Variants in ARHGAP32 observed in about 807,000 individuals in gnomAD.
The protein encoded by ARHGAP32 is rho GTPase-activating protein 32.
In ARHGAP32, 51 loss-of-function variants were observed where a neutral mutation model predicts 186.5. The ratio of observed to expected loss-of-function variants is 0.27; its 90% CI spans 0.22 to 0.35. The LOEUF (loss-of-function observed/expected upper bound fraction) is 0.35. ARHGAP32 is among the 10% of genes least tolerant of loss of function. The pLI is 1.00. For missense variants in ARHGAP32, 2,186 were observed against 2,623.5 expected (o/e 0.83, Z 3.64); for synonymous variants, 950 against 964.3 (o/e 0.99, Z 0.27).
intron 11 of ARHGAP32, among the ~76,000 whole-genome samples, chr11:129,036,985 T>G (rs1270734878): frequency 6.6e-6 from 1 of 152,222 alleles, no homozygotes; most frequent in Non-Finnish European, 1.5e-5. Flanking sequence ...ACTATGAAAC[T>G]ATTAGAACTA....
At position 128,969,889 on chromosome 11, in the gene ARHGAP32, G is replaced by A. The variant is rs1945312180; in HGVS notation, c.5324C>T (p.Ala1775Val). The A allele has an allele frequency of 1.2e-6, 2 of 1,614,196 alleles. No homozygotes were observed. Among genetic ancestry groups the A allele is most frequent in the African/African-American group, 2.7e-5 (2 of 75,034 alleles). The change falls in exon 23 of 23, where the codon GCT becomes GTT. Residue 1775 changes from alanine to valine, a missense_variant. Around this residue, in one of 5 missense-constraint regions of ARHGAP32, gnomAD observed 1,502 missense variants for 1,570.0 expected, o/e 0.96. Transcript: ENST00000682385. The surrounding 1 kb of genome is among the most constrained non-coding windows in gnomAD (Gnocchi z 4.8). ...GACAGGCCCTTTCACCTTCTGCCGA[G>A]CACGGCTCTCTCTCCGGATGGACTG... ...RMQSIRRESR[A>V]RQKVKGPVMS...
At chr11:129,041,755 A>G (rs1939601702) in intron 10 of ARHGAP32, among the ~76,000 whole-genome samples, 1 of 152,226 alleles carries the variant, frequency 6.6e-6, no homozygotes, top group South Asian at 2.1e-4. Flanking sequence ...GATCATCCAG[A>G]GATACTGTAT....
intron 2 of ARHGAP32, among the ~76,000 whole-genome samples, chr11:129,140,780 C>T (rs1943034228): frequency 6.6e-6 from 1 of 152,188 alleles, no homozygotes; most frequent in Admixed American, 6.5e-5. Context: ...ACCAGCTCTC[C>T]TATCTCCCTG....
chr11:129,222,056 G>C (rs1944719423), intron 1 of ARHGAP32, among the ~76,000 whole-genome samples: 1 of 152,078 alleles, frequency 6.6e-6, no homozygotes, highest in Admixed American at 6.6e-5. Flanking sequence ...GACAACTATA[G>C]CTACTATTGG....
chr11:129,218,641 G>A (rs1365602497), intron 1 of ARHGAP32, among the ~76,000 whole-genome samples: 1 of 152,116 alleles, frequency 6.6e-6, no homozygotes, highest in Non-Finnish European at 1.5e-5. Flanking sequence ...ACATACCAAA[G>A]GAAGACAGAA....
At chr11:129,025,019 T>C (rs910296304) in intron 11 of ARHGAP32, among the ~76,000 whole-genome samples, 1 of 152,240 alleles carries the variant, frequency 6.6e-6, no homozygotes, top group East Asian at 1.9e-4. Context: ...ATATTTTCCA[T>C]TCCAATGACT....
chr11:129,046,323 T>C (rs1253351411), intron 10 of ARHGAP32, among the ~76,000 whole-genome samples: 1 of 147,808 alleles, frequency 6.8e-6, no homozygotes, highest in Non-Finnish European at 1.5e-5. Flanking sequence ...ATACAATTCA[T>C]TTCATTGTAA....
intron 11 of ARHGAP32, among the ~76,000 whole-genome samples, chr11:129,037,868 C>T (rs622464): frequency 0.64 from 96,602 of 151,442 alleles, 31,300 homozygotes; most frequent in Middle Eastern, 0.71. Context: ...TTTGGGAGGC[C>T]GAGGTGGGCG....
In ARHGAP32 at chr11:129,109,478, T is replaced by C. The variant is rs574677441; in HGVS notation, c.444+13968A>G. Among the ~76,000 whole-genome samples, 17 of 152,250 alleles carry C rather than the reference T, an allele frequency of 1.1e-4. No homozygotes were observed. The South Asian group carries it at 2.7e-3, about 24-fold the overall frequency. On this transcript the variant is annotated intron_variant, in intron 5 of 22. Coordinates refer to ENST00000682385, the MANE Select transcript of ARHGAP32 (RefSeq NM_001378024.1). ...TTGGATCATATGGTAGTTCCTTTTT[T>C]AGTTTTTTGAGAAATCTCCATACTG...
chr11:129,093,560 A>G, intron 6 of ARHGAP32, 61 bp downstream of exon 6: 1 of 1,151,740 alleles, frequency 8.7e-7, no homozygotes, highest in Non-Finnish European at 1.3e-6. Flanking sequence ...AAATAAATTT[A>G]ATCATCACTC....
chr11:128,986,035 A>G lies in ARHGAP32; in HGVS notation c.1494T>C (p.Asp498=), dbSNP rs892708611. 6 of 1,608,162 alleles carry G rather than the reference A, an allele frequency of 3.7e-6. No individual in the cohort carries two copies. Among genetic ancestry groups the G allele is most frequent in the Non-Finnish European group, 8.5e-7 (1 of 1,178,292 alleles). The change falls in exon 15 of 23, where the codon GAT becomes GAC. Residue 498 remains aspartate (D), a synonymous_variant. Coordinates refer to ENST00000682385, the MANE Select transcript of ARHGAP32 (RefSeq NM_001378024.1). Reference sequence around the variant, plus strand: ...GTGGTGGGGGGAGCTGCTGGATGACATCGTGGATTTTTATCAGCCTTTCTT... The same window carrying G: ...GTGGTGGGGGGAGCTGCTGGATGACGTCGTGGATTTTTATCAGCCTTTCTT... The part of the protein sequence containing the change: ...TDEERLIKIH[D]VIQQLPPPHY...
At chr11:129,220,611 G>A (rs535940055) in intron 1 of ARHGAP32, among the ~76,000 whole-genome samples, 82 of 152,214 alleles carry the variant, frequency 5.4e-4, no homozygotes, top group Non-Finnish European at 5.3e-4. Flanking sequence ...ATCCAGTTTG[G>A]TTTGATGCAG....
intron 6 of ARHGAP32, among the ~76,000 whole-genome samples, chr11:129,073,804 C>A (rs1250282463): frequency 6.6e-6 from 1 of 150,898 alleles, no homozygotes; most frequent in Non-Finnish European, 1.5e-5. Context: ...TTCAGCAAAT[C>A]CAAGATAAAG....
chr11:129,141,479 G>A (rs1398116643), intron 2 of ARHGAP32, among the ~76,000 whole-genome samples: 2 of 152,086 alleles, frequency 1.3e-5, no homozygotes, highest in Admixed American at 6.6e-5. Flanking sequence ...TCATGGGGTA[G>A]GGGGATGGGG....
chr11:129,119,715 G>C (rs536007139), intron 5 of ARHGAP32, among the ~76,000 whole-genome samples: 116 of 152,138 alleles, frequency 7.6e-4, no homozygotes, highest in African/African-American at 2.7e-3. Flanking sequence ...CTTATGTAAG[G>C]AAGGTGCAGT....
intron 1 of ARHGAP32, among the ~76,000 whole-genome samples, chr11:129,204,131 A>G (rs1304756178): frequency 6.6e-6 from 1 of 151,286 alleles, no homozygotes; most frequent in Non-Finnish European, 1.5e-5. Context: ...CATGAGATAC[A>G]GAAGGCATCA....
intron 11 of ARHGAP32, among the ~76,000 whole-genome samples, chr11:129,016,509 C>G (rs1369425608): frequency 6.6e-6 from 1 of 152,094 alleles, no homozygotes; most frequent in Non-Finnish European, 1.5e-5. Flanking sequence ...ATCGAATAAC[C>G]TTTTTATCAC....
At chr11:128,973,848 G>C (rs1945466048) in intron 21 of ARHGAP32, 1 of 534,298 alleles carries the variant, frequency 1.9e-6, no homozygotes, top group African/African-American at 1.9e-5. Flanking sequence ...AGAATCAAGA[G>C]CTACGCAGTT....
At chr11:129,037,098 G>C (rs186415985) in intron 11 of ARHGAP32, among the ~76,000 whole-genome samples, 1 of 151,720 alleles carries the variant, frequency 6.6e-6, no homozygotes, top group South Asian at 2.1e-4. Flanking sequence ...TAAAATTCCC[G>C]GTACAATAGC....
Sources: gnomAD v4.1 joint callset for allele counts (sites outside exome capture counted in the v4.1 genomes callset) on GRCh38, gnomAD v4.1.1 for gene constraint, gnomAD v4.1.1 regional missense constraint, Gnocchi (gnomAD v3.1) non-coding constraint, MANE v1.5 for transcripts, NCBI Gene and HGNC (gene_info 2026-07-23, HGNC 2026-07-21) for gene names.